The following ADGRB3 variants were observed in gnomAD, a reference collection of about 807,000 sequenced individuals.
The protein encoded by ADGRB3 is brain-specific angiogenesis inhibitor 3.
A neutral mutation model predicts 193.4 loss-of-function variants in ADGRB3; 37 were observed. The observed-to-expected ratio is 0.19, with a 90% CI of 0.15 to 0.25. The LOEUF is 0.25. Among genes scored for constraint, ADGRB3 ranks in the 10% least tolerant of loss-of-function variants. The pLI is 1.00. For missense variants in ADGRB3, 1,637 were observed against 1,852.9 expected, an observed-to-expected ratio of 0.88 and a Z score of 2.14; for synonymous variants, 690 against 644.2, an observed-to-expected ratio of 1.07 and a Z score of -1.08.
At chr6:69,221,556 C>CTCAT (rs74333844) in intron 17 of ADGRB3, among the ~76,000 whole-genome samples, 21,471 of 152,008 alleles carry the variant, frequency 0.14, 1,564 homozygotes, top group Middle Eastern at 0.16. Flanking sequence ...CTACTCTTCC[C>CTCAT]TCATTTACCT....
At chr6:69,295,321 AGCCTTAG>A (rs1237531281) in intron 20 of ADGRB3, among the ~76,000 whole-genome samples, 2 of 152,208 alleles carry the variant, frequency 1.3e-5, no homozygotes, top group Non-Finnish European at 2.9e-5. Context: ...AACCGATTCA[AGCCTTAG>A]GCTAGGACTA....
At chr6:68,964,381 A>C (rs1768318557) in intron 8 of ADGRB3, among the ~76,000 whole-genome samples, 1 of 152,174 alleles carries the variant, frequency 6.6e-6, no homozygotes, top group Non-Finnish European at 1.5e-5. Context: ...AGAGCAACTG[A>C]CAAGGCAGGA....
At chr6:68,986,454 C>T (rs569030897) in intron 10 of ADGRB3, among the ~76,000 whole-genome samples, 1 of 152,264 alleles carries the variant, frequency 6.6e-6, no homozygotes, top group Non-Finnish European at 1.5e-5. Flanking sequence ...CACTTTAGGG[C>T]AACTCTGAGA....
At chr6:68,927,579 A>C (rs1333200688) in intron 3 of ADGRB3, among the ~76,000 whole-genome samples, 1 of 152,166 alleles carries the variant, frequency 6.6e-6, no homozygotes, top group East Asian at 1.9e-4. Context: ...CTTACTGTTA[A>C]TAGCAACTCT....
chr6:68,648,660 A>G (rs947798866), intron 3 of ADGRB3, among the ~76,000 whole-genome samples: 3 of 150,592 alleles, frequency 2.0e-5, no homozygotes, highest in African/African-American at 7.3e-5. Context: ...CAGTTATGTT[A>G]AGGTAATAGA....
chr6:69,318,315 G>A (rs1450024032), intron 20 of ADGRB3, among the ~76,000 whole-genome samples: 1 of 151,142 alleles, frequency 6.6e-6, no homozygotes, highest in African/African-American at 2.4e-5. Flanking sequence ...TATATCAAAT[G>A]CTTTCACGTT....
At chr6:69,328,746 A>G (rs1460508359) in intron 22 of ADGRB3, among the ~76,000 whole-genome samples, 5 of 152,198 alleles carry the variant, frequency 3.3e-5, no homozygotes, top group Non-Finnish European at 7.4e-5. Flanking sequence ...CGCTCCTGTC[A>G]TCAGAGCATT....
chr6:68,757,443 T>C (rs1766317626), intron 3 of ADGRB3, among the ~76,000 whole-genome samples: 2 of 152,126 alleles, frequency 1.3e-5, no homozygotes, highest in African/African-American at 4.8e-5. Flanking sequence ...TTCACAACCT[T>C]ATTTGTCTGA....
chr6:69,053,505 G>A (rs1233822464), intron 15 of ADGRB3, among the ~76,000 whole-genome samples: 2 of 152,206 alleles, frequency 1.3e-5, no homozygotes, highest in African/African-American at 4.8e-5. Flanking sequence ...CAGAGTGGGT[G>A]GCTATGTGTG....
At chr6:69,040,559 G>A (rs566999959) in intron 13 of ADGRB3, among the ~76,000 whole-genome samples, 1 of 150,828 alleles carries the variant, frequency 6.6e-6, no homozygotes. Flanking sequence ...TGGCCTGAGA[G>A]GAAGCCGAGG....
chr6:69,273,887 A>C (rs1276591630), intron 20 of ADGRB3, among the ~76,000 whole-genome samples: 1 of 152,216 alleles, frequency 6.6e-6, no homozygotes, highest in Non-Finnish European at 1.5e-5. Context: ...AATTCTCACC[A>C]GTCAGCAGCC....
intron 20 of ADGRB3, among the ~76,000 whole-genome samples, chr6:69,257,065 G>A (rs973501366): frequency 1.1e-4 from 17 of 152,218 alleles, no homozygotes; most frequent in Admixed American, 4.6e-4. Context: ...ACTTGATCAC[G>A]GTGGATAAGC....
chr6:68,732,546 G>A (rs2127333332), intron 3 of ADGRB3, among the ~76,000 whole-genome samples: 1 of 152,004 alleles, frequency 6.6e-6, no homozygotes, highest in East Asian at 1.9e-4. Context: ...AAGATATGGT[G>A]AGAAACAGGA....
At position 68,956,802 on chromosome 6, in the gene ADGRB3, A is replaced by G; in HGVS notation, c.1518A>G (p.Arg506=). Residue 506 remains arginine, a synonymous_variant, in exon 8 of 32, where the codon CGA becomes CGG. Transcript: ENST00000370598. Reference sequence around the variant, plus strand: ...AAGTGAGAAGATGCAATGAGCAGCGATGCCCTGGTGAGAATGAACCCAAAT... The same window carrying G: ...AAGTGAGAAGATGCAATGAGCAGCGGTGCCCTGGTGAGAATGAACCCAAAT... ...GEEVRRCNEQ[R]CPAPYEICPE... The G allele has an allele frequency of 6.2e-7, 1 of 1,613,580 alleles. No individual in the cohort carries two copies.
In ADGRB3 at chr6:69,325,540, A is replaced by T. The variant is rs1380471557; in HGVS notation, c.2965+518A>T. ...AAAGCAGAAACAGAATTGCTGACAG[A>T]CTGAGAACTAATTCTTTACTTGTGT... On this transcript the variant is annotated intron_variant, in intron 21 of 31. Coordinates refer to ENST00000370598, the MANE Select transcript of ADGRB3 (RefSeq NM_001704.3). 2.0e-5 allele frequency among the ~76,000 whole-genome samples: 3 copies of T among 152,210 alleles called. No individual in the cohort carries two copies. The East Asian group carries it at 5.8e-4, about 29-fold the overall frequency.
intron 17 of ADGRB3, among the ~76,000 whole-genome samples, chr6:69,137,512 C>A (rs190496352): frequency 1.0e-3 from 158 of 152,004 alleles, no homozygotes; most frequent in Middle Eastern, 0.01. Context: ...AAGAAATAGC[C>A]CCTTGTCCAG....
At chr6:68,915,740 C>G (rs144655542) in intron 3 of ADGRB3, among the ~76,000 whole-genome samples, 2 of 151,940 alleles carry the variant, frequency 1.3e-5, no homozygotes, top group East Asian at 3.9e-4. Flanking sequence ...GAAAGCTTGC[C>G]TTCTGTCTGG....
intron 17 of ADGRB3, among the ~76,000 whole-genome samples, chr6:69,197,299 T>C (rs1265700958): frequency 6.6e-6 from 1 of 152,128 alleles, no homozygotes; most frequent in African/African-American, 2.4e-5. Flanking sequence ...TACAAATGTA[T>C]GTATTTTATA....
intron 17 of ADGRB3, among the ~76,000 whole-genome samples, chr6:69,210,153 T>TATATATATATATATATATATATATATATC (rs1194112354): frequency 8.6e-6 from 1 of 115,758 alleles, no homozygotes; most frequent in Non-Finnish European, 1.7e-5. Flanking sequence ...ATATATCATA[T>TATATATATATATATATATATATATATATC]ATATATATAT....
Sources: gnomAD v4.1 joint callset for allele counts (sites outside exome capture counted in the v4.1 genomes callset) on GRCh38, gnomAD v4.1.1 for gene constraint, MANE v1.5 for transcripts, NCBI Gene and HGNC (gene_info 2026-07-23, HGNC 2026-07-21) for gene names.